Variants in WFDC3 observed in about 807,000 individuals in gnomAD.
The protein encoded by WFDC3 is WAP four-disulfide core domain 3.
In WFDC3, 15 loss-of-function variants were observed where a neutral mutation model predicts 25.8. That is an observed-to-expected ratio of 0.58 (90% CI 0.39 to 0.89). The LOEUF (loss-of-function observed/expected upper bound fraction) is 0.89. WFDC3 is among the 40% of genes least tolerant of loss of function. The probability of loss-of-function intolerance (pLI) is 0.00; values close to 1 mark genes in which losing one functional copy is unlikely to be tolerated. For synonymous variants in WFDC3, 103 were observed against 107.1 expected (o/e 0.96, Z 0.24); for missense variants, 264 against 289.8 (o/e 0.91, Z 0.65).
chr20:45,782,109 G>A (rs564919490), intron 4 of WFDC3, among the ~76,000 whole-genome samples: 1 of 152,206 alleles, frequency 6.6e-6, no homozygotes, highest in African/African-American at 2.4e-5. Flanking sequence ...CCATGAGGAG[G>A]CCCAAGAAGA....
chr20:45,789,281 C>T (rs1245924200), intron 2 of WFDC3, among the ~76,000 whole-genome samples: 8 of 151,124 alleles, frequency 5.3e-5, no homozygotes, highest in South Asian at 2.1e-4. Context: ...CCGAGGCGGG[C>T]GGATCATGAG....
chr20:45,774,919 G>C (rs1331229060), intron 6 of WFDC3, among the ~76,000 whole-genome samples: 2 of 147,480 alleles, frequency 1.4e-5, no homozygotes, highest in Non-Finnish European at 3.0e-5. Flanking sequence ...TCCAGCCTGG[G>C]TGACAAGAGT....
intron 3 of WFDC3, 192 bp from the exon 4 acceptor site, chr20:45,788,174 A>T: frequency 2.3e-6 from 1 of 435,116 alleles, no homozygotes; most frequent in Non-Finnish European, 3.9e-6. Context: ...GTGGTGGCAC[A>T]TGCCTGTAAA....
intron 4 of WFDC3, among the ~76,000 whole-genome samples, chr20:45,781,090 A>T (rs944412641): frequency 4.6e-5 from 7 of 151,982 alleles, no homozygotes; most frequent in Admixed American, 1.3e-4. Context: ...AAATACAAAA[A>T]AAAAAAAAAA....
chr20:45,788,369 G>A (rs1601018440), intron 3 of WFDC3: 1 of 160,656 alleles, frequency 6.2e-6, no homozygotes, highest in East Asian at 1.8e-4. Flanking sequence ...CAGCAGAAGG[G>A]AAAAACAGAA....
intron 2 of WFDC3, 72 bp from the exon 3 acceptor site, chr20:45,789,131 TCCA>T (rs2145691344): frequency 1.3e-6 from 2 of 1,575,384 alleles, no homozygotes; most frequent in African/African-American, 2.7e-5. Context: ...CTTCAGCCCC[TCCA>T]GGCATCTCTA....
Position 45,788,997 on chromosome 20 carries a change from A to G in WFDC3, c.145T>C (p.Leu49=), listed in dbSNP as rs1401140849. The G allele has an allele frequency of 6.2e-7, 1 of 1,613,832 alleles. No homozygotes were observed. The highest frequency in any genetic ancestry group is 1.1e-5 in the South Asian group (1 of 91,050). Residue 49 remains leucine (L), a synonymous_variant, in exon 3 of 7, where the codon TTG becomes CTG. Transcript: ENST00000243938. Reference sequence around the variant, plus strand: ...CAGCACTTCTGTTCAGCCGGACACAATTCATCACCCTGGCACAGCTCTTTG... The same window carrying G: ...CAGCACTTCTGTTCAGCCGGACACAGTTCATCACCCTGGCACAGCTCTTTG... ...PCKELCQGDE[L]CPAEQKCCTT...
intron 4 of WFDC3, among the ~76,000 whole-genome samples, chr20:45,784,399 A>G (rs935369281): frequency 2.0e-5 from 3 of 152,236 alleles, no homozygotes; most frequent in Non-Finnish European, 4.4e-5. Context: ...AGAGGAAGTG[A>G]TCAGGGAAGA....
intron 4 of WFDC3, among the ~76,000 whole-genome samples, 171 bp downstream of exon 4, chr20:45,787,665 C>T (rs1980745383): frequency 6.6e-6 from 1 of 152,098 alleles, no homozygotes. Context: ...CCTCTGCCTG[C>T]CCAGGCTACA....
chr20:45,781,882 C>A (rs1047594822), intron 4 of WFDC3, among the ~76,000 whole-genome samples: 1 of 152,178 alleles, frequency 6.6e-6, no homozygotes, highest in African/African-American at 2.4e-5. Flanking sequence ...CAAGGCCCAG[C>A]CTTGCCAGCA....
intron 4 of WFDC3, among the ~76,000 whole-genome samples, chr20:45,785,158 G>T (rs73306430): frequency 6.6e-6 from 1 of 152,226 alleles, no homozygotes; most frequent in Admixed American, 6.5e-5. Flanking sequence ...AAATACACTT[G>T]ATCAACAGGG....
intron 1 of WFDC3, among the ~76,000 whole-genome samples, chr20:45,791,173 C>CT (rs71181859): frequency 0.011 from 687 of 63,900 alleles, 122 homozygotes; most frequent in African/African-American, 0.024. Context: ...GCCTAATATG[C>CT]TTTTTTTTTT....
chr20:45,791,056 C>T (rs1005262394), intron 1 of WFDC3: 2 of 436,102 alleles, frequency 4.6e-6, no homozygotes, highest in Admixed American at 5.1e-5. Flanking sequence ...CAAGGTAAAA[C>T]CTCCTTAATA....
intron 4 of WFDC3, among the ~76,000 whole-genome samples, chr20:45,783,046 T>G (rs1052070326): frequency 1.5e-5 from 2 of 133,982 alleles, no homozygotes; most frequent in Non-Finnish European, 3.2e-5. Context: ...GTATTTGTTT[T>G]CTTGATTATT....
chr20:45,781,145 A>G (rs1338883925), intron 4 of WFDC3, among the ~76,000 whole-genome samples: 1 of 151,334 alleles, frequency 6.6e-6, no homozygotes, highest in Admixed American at 6.6e-5. Flanking sequence ...GCTACTGGGG[A>G]GGCTGAGGCA....
At chr20:45,776,921 G>A (rs553629259) in intron 5 of WFDC3, among the ~76,000 whole-genome samples, 154 bp downstream of exon 5, 2 of 152,004 alleles carry the variant, frequency 1.3e-5, no homozygotes, top group African/African-American at 4.8e-5. Context: ...TTTTAATGTC[G>A]ACAGGGCCCC....
At chr20:45,787,571 A>G (rs781044834) in intron 4 of WFDC3, among the ~76,000 whole-genome samples, 86 of 152,140 alleles carry the variant, frequency 5.7e-4, no homozygotes, top group Non-Finnish European at 8.4e-4. Flanking sequence ...GATTCCAGGC[A>G]TGAGCCACCA....
intron 4 of WFDC3, among the ~76,000 whole-genome samples, chr20:45,783,324 C>G (rs1369593638): frequency 6.6e-6 from 1 of 151,944 alleles, no homozygotes; most frequent in African/African-American, 2.4e-5. Context: ...TTTTTAAATG[C>G]ATTTCTGGCC....
rs1477134016 is a variant in WFDC3, at chr20:45,787,833, T to A, written c.358+3A>T. On this transcript the variant is annotated splice_donor_region_variant and intron_variant, in intron 4 of 6. Transcript: ENST00000243938. ...CATGAGGTGTGGGGACAGCGTTTCTTACCCAGCTTCTGTTTAGAGATTGGG... is the reference window on the plus strand; with the variant it reads ...CATGAGGTGTGGGGACAGCGTTTCTAACCCAGCTTCTGTTTAGAGATTGGG... 2 of 1,611,240 alleles carry A rather than the reference T, an allele frequency of 1.2e-6. No individual in the cohort carries two copies. The highest frequency in any genetic ancestry group is 1.7e-6 in the Non-Finnish European group (2 of 1,178,774).
Sources: allele counts gnomAD v4.1 joint callset (sites outside exome capture counted in the v4.1 genomes callset), GRCh38; gene constraint gnomAD v4.1.1; transcripts MANE v1.5; gene names NCBI Gene and HGNC (gene_info 2026-07-23, HGNC 2026-07-21).